The following INPP5A variants were observed in gnomAD, a reference collection of about 807,000 sequenced individuals.
INPP5A encodes inositol polyphosphate-5-phosphatase A.
INPP5A carries 14 observed loss-of-function variants against 65.2 expected under a neutral mutation model. The ratio of observed to expected loss-of-function variants is 0.21; its 90% CI spans 0.14 to 0.34. INPP5A has a LOEUF of 0.34. Among genes scored for constraint, INPP5A ranks in the 10% least tolerant of loss-of-function variants. INPP5A has a pLI of 1.00. For synonymous variants in INPP5A, 207 were observed against 208.3 expected, an observed-to-expected ratio of 0.99 and a Z score of 0.05; for missense variants, 431 against 545.6, an observed-to-expected ratio of 0.79 and a Z score of 2.09.
At chr10:132,739,408 G>A (rs1004038936) in intron 9 of INPP5A, among the ~76,000 whole-genome samples, 4 of 152,238 alleles carry the variant, frequency 2.6e-5, no homozygotes, top group African/African-American at 7.2e-5. Flanking sequence ...TGGTGGGGGC[G>A]TGCCGACAGA....
chr10:132,722,588 C>T (rs1388270536), intron 8 of INPP5A, among the ~76,000 whole-genome samples: 1 of 152,196 alleles, frequency 6.6e-6, no homozygotes, highest in African/African-American at 2.4e-5. Flanking sequence ...TCGGAACGTT[C>T]AACCCGTGAC....
intron 4 of INPP5A, among the ~76,000 whole-genome samples, chr10:132,658,222 G>A (rs2072685233): frequency 6.6e-6 from 1 of 152,184 alleles, no homozygotes; most frequent in Non-Finnish European, 1.5e-5. Flanking sequence ...TCAGAGTCCA[G>A]GGTTCTTGAT....
At chr10:132,690,639 C>G (rs1052472617) in intron 5 of INPP5A, among the ~76,000 whole-genome samples, 184 bp downstream of exon 5, 2 of 152,176 alleles carry the variant, frequency 1.3e-5, no homozygotes, top group Non-Finnish European at 2.9e-5. Flanking sequence ...TTGGCTGTCC[C>G]ACACTGGCTC....
chr10:132,567,705 C>T (rs1339469531), intron 1 of INPP5A, among the ~76,000 whole-genome samples: 1 of 152,168 alleles, frequency 6.6e-6, no homozygotes, highest in Non-Finnish European at 1.5e-5. Flanking sequence ...TGCTTTTGCC[C>T]CTGTGGCCTG....
chr10:132,720,030 T>C (rs911001018), intron 8 of INPP5A, among the ~76,000 whole-genome samples: 3 of 150,742 alleles, frequency 2.0e-5, no homozygotes, highest in Non-Finnish European at 4.4e-5. Context: ...TCTGGGCGCC[T>C]TAGACGGCTG....
intron 1 of INPP5A, among the ~76,000 whole-genome samples, chr10:132,562,253 CG>C (rs1393743666): frequency 2.6e-5 from 4 of 152,224 alleles, no homozygotes; most frequent in African/African-American, 9.6e-5. Context: ...GGGCTTGATA[CG>C]GCTGGGCCAG....
At chr10:132,743,416 C>T (rs963317231) in intron 9 of INPP5A, among the ~76,000 whole-genome samples, 1 of 123,910 alleles carries the variant, frequency 8.1e-6, no homozygotes, top group Non-Finnish European at 1.7e-5. Context: ...GGAGTGAGGG[C>T]GAGCCCACCC....
At chr10:132,571,555 A>T (rs950355542) in intron 1 of INPP5A, among the ~76,000 whole-genome samples, 48 of 152,234 alleles carry the variant, frequency 3.2e-4, no homozygotes, top group Admixed American at 6.5e-5. Flanking sequence ...AGCTAAATTT[A>T]AAAAAAGTGC....
At chr10:132,728,063 C>G (rs577925073) in intron 9 of INPP5A, among the ~76,000 whole-genome samples, 2 of 152,338 alleles carry the variant, frequency 1.3e-5, no homozygotes, top group African/African-American at 4.8e-5. Flanking sequence ...CTAAAACCCT[C>G]TGTTGGGTTG....
intron 1 of INPP5A, among the ~76,000 whole-genome samples, chr10:132,558,864 G>A (rs536835284): frequency 2.0e-5 from 3 of 152,360 alleles, no homozygotes; most frequent in Non-Finnish European, 2.9e-5. Flanking sequence ...TCAGGCAGCT[G>A]TGCGCTGCAG....
chr10:132,630,861 A>C (rs1405718096), intron 2 of INPP5A, among the ~76,000 whole-genome samples: 2 of 152,142 alleles, frequency 1.3e-5, no homozygotes, highest in Non-Finnish European at 2.9e-5. Context: ...TCGATGGCCC[A>C]AGCCCGGACT....
At chr10:132,732,753 G>T (rs542757653) in intron 9 of INPP5A, among the ~76,000 whole-genome samples, 1 of 152,150 alleles carries the variant, frequency 6.6e-6, no homozygotes, top group East Asian at 1.9e-4. Flanking sequence ...GTGCTGCGTG[G>T]CACCTCCACG....
chr10:132,560,648 G>A (rs1000477243), intron 1 of INPP5A, among the ~76,000 whole-genome samples: 54 of 152,028 alleles, frequency 3.6e-4, no homozygotes, highest in Non-Finnish European at 6.0e-4. Flanking sequence ...TGCTCAGGCC[G>A]GAGGGCAGTG....
intron 2 of INPP5A, among the ~76,000 whole-genome samples, chr10:132,617,673 G>A (rs2072058425): frequency 2.0e-5 from 3 of 152,214 alleles, no homozygotes; most frequent in Admixed American, 2.0e-4. Flanking sequence ...TTGCTTCACC[G>A]AGCACCTGAC....
chr10:132,773,447 G>A (rs1315999746), intron 12 of INPP5A, among the ~76,000 whole-genome samples: 1 of 152,184 alleles, frequency 6.6e-6, no homozygotes, highest in African/African-American at 2.4e-5. Context: ...TCTCTTTAAT[G>A]GACACATATA....
At chr10:132,692,781 C>CA (rs1845288611) in intron 5 of INPP5A, among the ~76,000 whole-genome samples, 1 of 152,136 alleles carries the variant, frequency 6.6e-6, no homozygotes, top group African/African-American at 2.4e-5. Context: ...ACCTGCCTTG[C>CA]AAGAAATGCT....
intron 2 of INPP5A, among the ~76,000 whole-genome samples, chr10:132,626,894 G>A (rs985089110): frequency 2.0e-5 from 3 of 152,184 alleles, no homozygotes; most frequent in African/African-American, 7.2e-5. Context: ...CTGTTTGGCT[G>A]TAGTTTGGTC....
chr10:132,659,909 G>T lies in INPP5A; in HGVS notation c.306+9404G>T, dbSNP rs2072713113. Among the ~76,000 whole-genome samples, 2 of 152,254 alleles carry T rather than the reference G, an allele frequency of 1.3e-5. No homozygotes were observed. Among genetic ancestry groups the T allele is most frequent in the South Asian group, 4.1e-4 (2 of 4,832 alleles). ...GAAACCTGAGGACATGCAGCCTGCA[G>T]CTCCTGACACATGACATGTGACATA... On this transcript the variant is annotated intron_variant, in intron 4 of 15. Transcript: ENST00000368594. The surrounding 1 kb of genome is among the most constrained non-coding windows in gnomAD (Gnocchi z 5.5).
intron 9 of INPP5A, among the ~76,000 whole-genome samples, chr10:132,728,448 G>A (rs1449045401): frequency 6.6e-6 from 1 of 152,242 alleles, no homozygotes; most frequent in Non-Finnish European, 1.5e-5. Context: ...GGACCCGGGA[G>A]CAAGGCCTGG....
Sources: gnomAD v4.1 joint callset for allele counts (sites outside exome capture counted in the v4.1 genomes callset) on GRCh38, gnomAD v4.1.1 for gene constraint, Gnocchi (gnomAD v3.1) non-coding constraint, MANE v1.5 for transcripts, NCBI Gene and HGNC (gene_info 2026-07-23, HGNC 2026-07-21) for gene names.